The following POFUT1 variants were observed in gnomAD, a reference collection of about 807,000 sequenced individuals.
POFUT1 encodes GDP-fucose protein O-fucosyltransferase 1.
A neutral mutation model predicts 42.4 loss-of-function variants in POFUT1; 16 were observed. The observed-to-expected ratio is 0.38, with a 90% CI of 0.26 to 0.57. The LOEUF is 0.57. Among genes scored for constraint, POFUT1 ranks in the 20% least tolerant of loss-of-function variants. The pLI, the probability that POFUT1 is intolerant of heterozygous loss-of-function variation, is 0.71. For synonymous variants in POFUT1, 206 were observed against 205.4 expected (o/e 1.00, Z -0.03); for missense variants, 470 against 504.6 (o/e 0.93, Z 0.66).
In POFUT1 at chr20:32,216,710, A is replaced by G. The variant is rs914135885; in HGVS notation, c.531A>G (p.Gln177=). Residue 177 remains glutamine, a synonymous_variant, in exon 4 of 7, where the codon CAA becomes CAG. Coordinates refer to ENST00000375749, the MANE Select transcript of POFUT1 (RefSeq NM_015352.2). ...CCTTCAGTGCTTCCTACAGAGAACA[A>G]TGGAGCCAGAGGTACTTGGAGGGGG... is the stretch of plus-strand genomic sequence containing the variant. ...GISFSASYRE[Q]WSQRFSPKEH... 64 of 1,608,900 alleles carry G rather than the reference A, an allele frequency of 4.0e-5. No homozygotes were observed. The highest frequency in any genetic ancestry group is 6.6e-5 in the South Asian group (6 of 90,988).
chr20:32,232,936 G>C (rs1457973277), intron 6 of POFUT1, among the ~76,000 whole-genome samples: 1 of 152,150 alleles, frequency 6.6e-6, no homozygotes, highest in Non-Finnish European at 1.5e-5. Context: ...TAAATAAGAT[G>C]TGGTCCCGCT....
At chr20:32,229,608 T>C (rs1208135454) in intron 5 of POFUT1, among the ~76,000 whole-genome samples, 1 of 152,084 alleles carries the variant, frequency 6.6e-6, no homozygotes, top group African/African-American at 2.4e-5. Flanking sequence ...CCCACTGTAG[T>C]TGGGAATCAT....
chr20:32,217,350 C>A, intron 4 of POFUT1: 1 of 1,155,356 alleles, frequency 8.7e-7, no homozygotes, highest in Non-Finnish European at 1.1e-6. Context: ...AATGTTATAG[C>A]ATGGCAGGAA....
At chr20:32,211,010 T>C (rs1260273951) in intron 2 of POFUT1, among the ~76,000 whole-genome samples, 2 of 152,204 alleles carry the variant, frequency 1.3e-5, no homozygotes, top group African/African-American at 4.8e-5. Flanking sequence ...GTACCAGAGA[T>C]CATAGTCTGA....
rs1202006947 is a variant in POFUT1 at position 32,231,049 on chromosome 20, C to T, written c.966C>T (p.Leu322=). Residue 322 remains leucine, a synonymous_variant, in exon 6 of 7, where the codon CTC becomes CTT. Coordinates refer to ENST00000375749, the MANE Select transcript of POFUT1 (RefSeq NM_015352.2). ...GTTATGTGCCTGAGCTCCAACAGCTCTTCAAAGGGAAGGTATGTGTGGGCC... is the reference window on the plus strand; with the variant it reads ...GTTATGTGCCTGAGCTCCAACAGCTTTTCAAAGGGAAGGTATGTGTGGGCC... ...SESYVPELQQ[L]FKGKVKVVSL... 1 of 1,613,998 alleles carries T rather than the reference C, an allele frequency of 6.2e-7. No homozygotes were observed. Among genetic ancestry groups the T allele is most frequent in the Non-Finnish European group, 8.5e-7 (1 of 1,180,034 alleles).
In POFUT1 at chr20:32,237,327, T is replaced by C. The variant is rs138762395; in HGVS notation, c.*2666T>C. On this transcript the variant is annotated 3_prime_UTR_variant, in exon 7 of 7. Transcript: ENST00000375749. ...AAAGTAGAAGATGTAATAAATGTAC[T>C]GTGGGACATGTTAATAAGTGCTATA... is the stretch of plus-strand genomic sequence containing the variant. 4.0e-3 allele frequency: 638 copies of C among 157,540 alleles called. 2 individuals carry two copies. The highest frequency in any genetic ancestry group is 0.015 in the African/African-American group (616 of 41,690). The allele number at this position is 157,540 out of a possible 1,614,324, so 9.8% of individuals were successfully genotyped here. A position where few individuals can be genotyped will look rare whatever the true frequency, so the allele number is the denominator to read the frequency against.
intron 3 of POFUT1, 54 bp from the exon 4 acceptor site, chr20:32,216,555 C>T: frequency 1.8e-6 from 2 of 1,120,228 alleles, no homozygotes; most frequent in Non-Finnish European, 2.7e-6. Flanking sequence ...TGGCCCCATC[C>T]CCAAATGGCT....
Position 32,236,722 on chromosome 20 carries a change from G to A in POFUT1, c.*2061G>A, listed in dbSNP as rs1158067655. 1.3e-5 allele frequency: 2 copies of A among 152,200 alleles called. No homozygotes were observed. Among genetic ancestry groups the A allele is most frequent in the African/African-American group, 4.8e-5 (2 of 41,454 alleles). The allele number at this position is 152,200 out of a possible 1,614,324, so 9.4% of individuals were successfully genotyped here. A position where few individuals can be genotyped will look rare whatever the true frequency, so the allele number is the denominator to read the frequency against. On this transcript the variant is annotated 3_prime_UTR_variant, in exon 7 of 7. Coordinates refer to ENST00000375749, the MANE Select transcript of POFUT1 (RefSeq NM_015352.2). Reference sequence around the variant, plus strand: ...ACTTGAAAGAGACAAAGGCACAAATGTGGCTGTTGATTAATTTGACTGCTT... The same window carrying A: ...ACTTGAAAGAGACAAAGGCACAAATATGGCTGTTGATTAATTTGACTGCTT...
chr20:32,233,052 A>T (rs1310746944), intron 6 of POFUT1, among the ~76,000 whole-genome samples: 2 of 152,180 alleles, frequency 1.3e-5, no homozygotes, highest in Non-Finnish European at 2.9e-5. Context: ...AGGTCCATTC[A>T]TTCACCTGTC....
At chr20:32,227,382 T>C (rs913607740) in intron 4 of POFUT1, among the ~76,000 whole-genome samples, 2 of 151,850 alleles carry the variant, frequency 1.3e-5, no homozygotes, top group African/African-American at 2.4e-5. Flanking sequence ...TAGCTGGGCC[T>C]GGTGGCACTT....
chr20:32,227,086 A>G (rs2047418241), intron 4 of POFUT1, among the ~76,000 whole-genome samples: 1 of 152,176 alleles, frequency 6.6e-6, no homozygotes, highest in Non-Finnish European at 1.5e-5. Flanking sequence ...TCCCCCCTCC[A>G]GCTGGAGGGA....
chr20:32,211,218 A>T (rs984737586), intron 2 of POFUT1, among the ~76,000 whole-genome samples: 2 of 151,986 alleles, frequency 1.3e-5, no homozygotes, highest in East Asian at 3.9e-4. Context: ...TTATCAACGT[A>T]CAGATCCTAG....
chr20:32,219,671 G>A (rs1405922299), intron 4 of POFUT1, among the ~76,000 whole-genome samples: 2 of 151,798 alleles, frequency 1.3e-5, no homozygotes, highest in African/African-American at 4.8e-5. Context: ...TGATTTTTTT[G>A]TATTTTTAGT....
intron 4 of POFUT1, among the ~76,000 whole-genome samples, chr20:32,225,593 A>AT (rs1228782700): frequency 6.6e-6 from 1 of 151,990 alleles, no homozygotes; most frequent in African/African-American, 2.4e-5. Flanking sequence ...GGCTCAAGCG[A>AT]TTTTCCCATG....
Position 32,208,002 on chromosome 20 carries a change from C to CT in POFUT1, c.62dup (p.Met24AspfsTer49), listed in dbSNP as rs2047302243. The CT allele has an allele frequency of 6.3e-7, 1 of 1,592,116 alleles. No individual in the cohort carries two copies. The highest frequency in any genetic ancestry group is 8.5e-7 in the Non-Finnish European group (1 of 1,173,952). On this transcript the variant is annotated frameshift_variant, in exon 1 of 7. Coordinates refer to ENST00000375749, the MANE Select transcript of POFUT1 (RefSeq NM_015352.2). LOFTEE classifies it high-confidence loss of function. ...GTCTTTCCTGCTGCTGCTTCTGCCG[C>CT]TCCCGGGGATGCCTGCGGGCTCCTG...
At chr20:32,215,923 T>C (rs1315791640) in intron 3 of POFUT1, among the ~76,000 whole-genome samples, 1 of 152,200 alleles carries the variant, frequency 6.6e-6, no homozygotes, top group Non-Finnish European at 1.5e-5. Context: ...GTCAGTGTCT[T>C]ACCCAGGATC....
chr20:32,230,974 G>A lies in POFUT1; in HGVS notation c.891G>A (p.Trp297Ter). The A allele has an allele frequency of 1.2e-6, 2 of 1,614,226 alleles. No homozygotes were observed. The highest frequency in any genetic ancestry group is 8.5e-7 in the Non-Finnish European group (1 of 1,180,038). The stretch of plus-strand genomic sequence containing the variant: ...AGATCCAGAGGGCTGTGAAGCTCTG[G>A]GTGAGGTCGCTGGATGCCCAGTCGG... ...LKEIQRAVKL[W>*]VRSLDAQSVY... The change falls in exon 6 of 7, where the codon TGG (tryptophan) becomes TGA (stop). Residue 297 changes from tryptophan (W) to a stop codon, truncating the protein, a stop_gained. Transcript: ENST00000375749. LOFTEE classifies it high-confidence loss of function.
At chr20:32,222,727 T>A (rs969573403) in intron 4 of POFUT1, 36 of 985,474 alleles carry the variant, frequency 3.7e-5, no homozygotes, top group Non-Finnish European at 4.2e-5. Context: ...CTTCCAGCTC[T>A]GCTCGTTCTG....
At chr20:32,224,870 ACCACATGAT>A (rs1413542933) in intron 4 of POFUT1, among the ~76,000 whole-genome samples, 1 of 152,238 alleles carries the variant, frequency 6.6e-6, no homozygotes, top group Admixed American at 6.5e-5. Context: ...AGCTAATACA[ACCACATGAT>A]CCACATGATC....
Sources: allele counts gnomAD v4.1 joint callset (sites outside exome capture counted in the v4.1 genomes callset), GRCh38; gene constraint gnomAD v4.1.1; transcripts MANE v1.5; gene names NCBI Gene and HGNC (gene_info 2026-07-23, HGNC 2026-07-21).